The following ARHGAP11A variants were observed in gnomAD, a reference collection of about 807,000 sequenced individuals.
The protein encoded by ARHGAP11A is Rho GTPase activating protein 11A, also known as rho GTPase-activating protein 11A.
Under a neutral mutation model 60.5 loss-of-function variants are expected in ARHGAP11A, and 36 were observed. That is an observed-to-expected ratio of 0.59 (90% confidence interval 0.46 to 0.79). The LOEUF is 0.79. ARHGAP11A is among the 30% of genes least tolerant of loss of function. ARHGAP11A has a pLI of 0.00. For synonymous variants in ARHGAP11A, 362 were observed against 415.5 expected, an observed-to-expected ratio of 0.87 and a Z score of 1.57; for missense variants, 1,071 against 1,199.2, an observed-to-expected ratio of 0.89 and a Z score of 1.58.
chr15:32,631,253 G>A (rs1330305250), intron 8 of ARHGAP11A, among the ~76,000 whole-genome samples: 3 of 151,604 alleles, frequency 2.0e-5, no homozygotes, highest in Non-Finnish European at 2.9e-5. Context: ...ATATATAAAG[G>A]CAACATTAGT....
chr15:32,623,425 A>G (rs2053383450), intron 2 of ARHGAP11A, 67 bp from the exon 3 acceptor site: 1 of 1,447,864 alleles, frequency 6.9e-7, no homozygotes, highest in African/African-American at 1.4e-5. Context: ...TGGCCTGCTC[A>G]TGTATGTTAG....
chr15:32,616,262 C>T lies in ARHGAP11A; in HGVS notation c.51C>T (p.Ala17=), dbSNP rs1434268911. The stretch of plus-strand genomic sequence containing the variant: ...TGGCCCTGTTGCAGCATCTGCGGGC[C>T]TTCTATGGTATTAAGGTGAAGGGTG... ...VRLALLQHLR[A]FYGIKVKGVR... is the part of the protein sequence containing the mutation. The change falls in exon 1 of 12, where the codon GCC becomes GCT. Residue 17 remains alanine, a synonymous_variant. Coordinates refer to ENST00000361627, the MANE Select transcript of ARHGAP11A (RefSeq NM_014783.6). 1.9e-6 allele frequency: 3 copies of T among 1,614,018 alleles called. No individual in the cohort carries two copies. Among genetic ancestry groups the T allele is most frequent in the African/African-American group, 1.3e-5 (1 of 74,954 alleles).
chr15:32,628,830 A>G (rs1595769108), intron 7 of ARHGAP11A, 28 bp downstream of exon 7: 3 of 1,453,696 alleles, frequency 2.1e-6, no homozygotes, highest in Non-Finnish European at 2.8e-6. Flanking sequence ...GCATTTATTT[A>G]AATTAAAATT....
Position 32,637,201 on chromosome 15 carries a change from C to G in ARHGAP11A, c.2428C>G (p.His810Asp), listed in dbSNP as rs1296468129. ...GACAGAACATAGAAAGGTTTCTGAT[C>G]ACATACAGTGGTTTAACAAGCTTTC... is the stretch of plus-strand genomic sequence containing the variant. ...QMTEHRKVSD[H>D]IQWFNKLSLN... Residue 810 changes from histidine (H) to aspartate (D), a missense_variant, in exon 12 of 12, where the codon CAC becomes GAC. By Grantham distance (81) the His-to-Asp change is moderately conservative. Transcript: ENST00000361627. 1.2e-6 allele frequency: 2 copies of G among 1,614,150 alleles called. No homozygotes were observed. The highest frequency in any genetic ancestry group is 4.5e-5 in the East Asian group (2 of 44,886).
At chr15:32,623,705 T>G in intron 3 of ARHGAP11A, 117 bp downstream of exon 3, 1 of 971,704 alleles carries the variant, frequency 1.0e-6, no homozygotes, top group Non-Finnish European at 1.5e-6. Flanking sequence ...AATTTGCATT[T>G]TTTTCATGGC....
At chr15:32,624,555 G>A in intron 4 of ARHGAP11A, 129 bp downstream of exon 4, 1 of 1,439,796 alleles carries the variant, frequency 6.9e-7, no homozygotes, top group Non-Finnish European at 9.3e-7. Flanking sequence ...TCATTACTAT[G>A]AGGAGTATAC....
chr15:32,620,250 C>G (rs945217234), intron 2 of ARHGAP11A, 72 bp downstream of exon 2: 5 of 1,608,866 alleles, frequency 3.1e-6, no homozygotes, highest in Non-Finnish European at 3.4e-6. Flanking sequence ...TTTGAGAGGC[C>G]GAGGTGGGCA....
Position 32,633,000 on chromosome 15 carries a change from A to G in ARHGAP11A, c.1127A>G (p.Glu376Gly), listed in dbSNP as rs759497241. 6.3e-5 allele frequency: 102 copies of G among 1,613,608 alleles called. No homozygotes were observed. The highest frequency in any genetic ancestry group is 4.7e-5 in the Non-Finnish European group (56 of 1,179,720). ...GTAGTTCACATCGATACAAGCTCAG[A>G]AGGGTCATCTCAGAGTTCACTCTCT... ...PVSVHIDTSS[E>G]GSSQSSLSPV... The change falls in exon 9 of 12, where the codon GAA becomes GGA. Residue 376 changes from glutamate (E) to glycine (G), a missense_variant. Glu to Gly is a moderately conservative substitution (Grantham distance 98). Transcript: ENST00000361627.
At position 32,639,558 on chromosome 15, in the gene ARHGAP11A, T is replaced by C. The variant is rs1486524473; in HGVS notation, c.*1713T>C. The C allele has an allele frequency of 6.6e-6, 1 of 152,244 alleles. No homozygotes were observed. The highest frequency in any genetic ancestry group is 1.5e-5 in the Non-Finnish European group (1 of 68,044). The allele number at this position is 152,244 out of a possible 1,614,324, so 9.4% of individuals were successfully genotyped here. ...TCAAGGGAAGGATGAAATGTTGAAT[T>C]TGAAGACTAATTCAGTAAGAAGTCC... On this transcript the variant is annotated 3_prime_UTR_variant, in exon 12 of 12. Coordinates refer to ENST00000361627, the MANE Select transcript of ARHGAP11A (RefSeq NM_014783.6).
At position 32,636,963 on chromosome 15, in the gene ARHGAP11A, G is replaced by T; in HGVS notation, c.2190G>T (p.Lys730Asn). 6.2e-7 allele frequency: 1 copy of T among 1,609,828 alleles called. No homozygotes were observed. Among genetic ancestry groups the T allele is most frequent in the Non-Finnish European group, 8.5e-7 (1 of 1,178,932 alleles). Residue 730 changes from lysine (K) to asparagine (N), a missense_variant, in exon 12 of 12, where the codon AAG (lysine) becomes AAT (asparagine). Coordinates refer to ENST00000361627, the MANE Select transcript of ARHGAP11A (RefSeq NM_014783.6). Reference sequence around the variant, plus strand: ...AAATAAAGAAACAGCAGTCCCCAAAGGATAAACTAAATAATAAATTAAAAG... The same window carrying T: ...AAATAAAGAAACAGCAGTCCCCAAATGATAAACTAAATAATAAATTAAAAG... ...DEEIKKQQSP[K>N]DKLNNKLKEN...
At position 32,638,109 on chromosome 15, in the gene ARHGAP11A, G is replaced by T; in HGVS notation, c.*264G>T. On this transcript the variant is annotated 3_prime_UTR_variant, in exon 12 of 12. Coordinates refer to ENST00000361627, the MANE Select transcript of ARHGAP11A (RefSeq NM_014783.6). Reference sequence around the variant, plus strand: ...AGCAGAGGTTAGACTTTACCTTTCTGACTCTGTCGTCCAGGCTGGAGTGCA... The same window carrying T: ...AGCAGAGGTTAGACTTTACCTTTCTTACTCTGTCGTCCAGGCTGGAGTGCA... 2.8e-6 allele frequency: 1 copy of T among 352,246 alleles called. No individual in the cohort carries two copies. Among genetic ancestry groups the T allele is most frequent in the Non-Finnish European group, 5.1e-6 (1 of 197,010 alleles). 21.8% of individuals were successfully genotyped at this position (352,246 alleles called of 1,614,324 possible). A position where few individuals can be genotyped will look rare whatever the true frequency, so the allele number is the denominator to read the frequency against.
intron 4 of ARHGAP11A, 104 bp from the exon 5 acceptor site, chr15:32,624,976 T>G (rs888148368): frequency 1.6e-5 from 21 of 1,282,166 alleles, no homozygotes; most frequent in Non-Finnish European, 2.1e-5. Flanking sequence ...TTTTGACTTG[T>G]GTATGACTGA....
Position 32,636,341 on chromosome 15 carries a change from G to T in ARHGAP11A, c.1568G>T (p.Gly523Val). ...VGTNYRMSWT[G>V]PNNSSFQEVD... ...ACAAATTACCGGATGTCTTGGACAG[G>T]ACCTAATAATTCAAGTTTTCAAGAA... Residue 523 changes from glycine (G) to valine (V), a missense_variant, in exon 12 of 12, where the codon GGA becomes GTA. Coordinates refer to ENST00000361627, the MANE Select transcript of ARHGAP11A (RefSeq NM_014783.6). The T allele has an allele frequency of 6.2e-7, 1 of 1,614,018 alleles. No individual in the cohort carries two copies. Among genetic ancestry groups the T allele is most frequent in the South Asian group, 1.1e-5 (1 of 91,060 alleles).
chr15:32,617,902 A>G (rs2053200442), intron 1 of ARHGAP11A, among the ~76,000 whole-genome samples: 1 of 152,156 alleles, frequency 6.6e-6, no homozygotes, highest in South Asian at 2.1e-4. Flanking sequence ...CTTCAGTTTT[A>G]TATATATAAA....
chr15:32,628,862 C>T, intron 7 of ARHGAP11A, 60 bp downstream of exon 7: 3 of 1,189,172 alleles, frequency 2.5e-6, no homozygotes, highest in Non-Finnish European at 3.4e-6. Context: ...CTATAAAATA[C>T]AATTACAATA....
intron 9 of ARHGAP11A, 72 bp downstream of exon 9, chr15:32,633,180 T>C: frequency 1.7e-5 from 26 of 1,534,014 alleles, no homozygotes; most frequent in Non-Finnish European, 2.3e-5. Context: ...AAATGTTTTG[T>C]CTTTCTGTCA....
chr15:32,634,188 A>C (rs935202431), intron 10 of ARHGAP11A, 147 bp downstream of exon 10: 2 of 615,956 alleles, frequency 3.2e-6, no homozygotes, highest in East Asian at 6.2e-5. Flanking sequence ...GTTGATATCA[A>C]ATTTCCTTGC....
At position 32,615,936 on chromosome 15, in the gene ARHGAP11A, T is replaced by C. The variant is rs924369452; in HGVS notation, c.-276T>C. On this transcript the variant is annotated 5_prime_UTR_variant, in exon 1 of 12. Transcript: ENST00000361627. ...AAGTCTATGTGAGTAGCTGAAAGCA[T>C]TGGGTGACCAGAAAGAAGGTCGGTG... is the stretch of plus-strand genomic sequence containing the variant. 68 of 502,334 alleles carry C rather than the reference T, an allele frequency of 1.4e-4. No homozygotes were observed. The highest frequency in any genetic ancestry group is 2.0e-4 in the Non-Finnish European group (56 of 284,446). The allele number at this position is 502,334 out of a possible 1,614,324, so 31.1% of individuals were successfully genotyped here.
Position 32,628,778 on chromosome 15 carries a change from A to T in ARHGAP11A, c.913A>T (p.Ile305Phe). The T allele has an allele frequency of 6.4e-7, 1 of 1,559,880 alleles. No homozygotes were observed. ...NKFKPNRTPS[I>F]TPQEERIAQL... ...ATTTAAACCTAACAGAACACCTTCT[A>T]TTACACCTCAAGAAGAAAGAATTGG... is the stretch of plus-strand genomic sequence containing the variant. Residue 305 changes from isoleucine to phenylalanine, a missense_variant, in exon 7 of 12, where the codon ATT becomes TTT. By Grantham distance (21) the Ile-to-Phe change is conservative (BLOSUM62 0). Coordinates refer to ENST00000361627, the MANE Select transcript of ARHGAP11A (RefSeq NM_014783.6).
Sources: allele counts gnomAD v4.1 joint callset (sites outside exome capture counted in the v4.1 genomes callset), GRCh38; gene constraint gnomAD v4.1.1; transcripts MANE v1.5; gene names NCBI Gene and HGNC (gene_info 2026-07-23, HGNC 2026-07-21).